Variants in ADAMTS12 observed in about 807,000 individuals in gnomAD.
The protein encoded by ADAMTS12 is A disintegrin and metalloproteinase with thrombospondin motifs 12.
A neutral mutation model predicts 167.8 loss-of-function variants in ADAMTS12; 118 were observed. That is an observed-to-expected ratio of 0.70 (90% confidence interval 0.61 to 0.82). The LOEUF is 0.82. Ranked by LOEUF, ADAMTS12 falls within the 40% of genes least tolerant of loss-of-function variation. ADAMTS12 has a pLI of 0.00. For missense variants in ADAMTS12, 1,916 were observed against 1,998.8 expected (o/e 0.96, Z 0.79); for synonymous variants, 704 against 716.9 (o/e 0.98, Z 0.29).
intron 14 of ADAMTS12, among the ~76,000 whole-genome samples, chr5:33,623,871 G>C (rs1050523585): frequency 6.6e-6 from 1 of 152,146 alleles, no homozygotes; most frequent in Non-Finnish European, 1.5e-5. Flanking sequence ...CTCTCCCCTA[G>C]TTCTTGGTCT....
At position 33,608,534 on chromosome 5, in the gene ADAMTS12, G is replaced by T. The variant is rs114977916; in HGVS notation, c.2527+5704C>A. ...ACAGATGGGATACAGTGAGTTTGTT[G>T]AGATGCAGTTCCTTTGACTCTCTGA... On this transcript the variant is annotated intron_variant, in intron 16 of 23. Coordinates refer to ENST00000504830, the MANE Select transcript of ADAMTS12 (RefSeq NM_030955.4). 9.1e-3 allele frequency among the ~76,000 whole-genome samples: 1,380 copies of T among 152,286 alleles called. 27 individuals carry two copies. The highest frequency in any genetic ancestry group is 0.032 in the African/African-American group (1,319 of 41,542).
chr5:33,709,659 A>G (rs1743324151), intron 3 of ADAMTS12, among the ~76,000 whole-genome samples: 1 of 151,980 alleles, frequency 6.6e-6, no homozygotes, highest in South Asian at 2.1e-4. Flanking sequence ...GAACACTTGG[A>G]ACACATGGAC....
At chr5:33,821,907 C>A (rs947056616) in intron 2 of ADAMTS12, among the ~76,000 whole-genome samples, 2 of 152,168 alleles carry the variant, frequency 1.3e-5, no homozygotes, top group Non-Finnish European at 2.9e-5. Context: ...TCATTTAGAA[C>A]TGATGAATTT....
chr5:33,743,957 TC>T (rs1298281480), intron 3 of ADAMTS12, among the ~76,000 whole-genome samples: 4 of 152,286 alleles, frequency 2.6e-5, no homozygotes, highest in African/African-American at 9.6e-5. Flanking sequence ...ACTGAATTTC[TC>T]CAGGAAAGGG....
At chr5:33,689,371 GC>G (rs1742466624) in intron 3 of ADAMTS12, among the ~76,000 whole-genome samples, 1 of 131,186 alleles carries the variant, frequency 7.6e-6, no homozygotes, top group Admixed American at 7.6e-5. Context: ...GGGATCATCT[GC>G]CTAATAAAAT....
At chr5:33,891,602 C>T in intron 1 of ADAMTS12, 128 bp downstream of exon 1, 1 of 1,435,198 alleles carries the variant, frequency 7.0e-7, no homozygotes, top group Non-Finnish European at 9.5e-7. Context: ...CCCAGATTTC[C>T]TTACAACGCA....
chr5:33,549,998 C>T (rs558016903), intron 20 of ADAMTS12, among the ~76,000 whole-genome samples: 2 of 152,230 alleles, frequency 1.3e-5, no homozygotes, highest in Non-Finnish European at 2.9e-5. Context: ...TTGCCTCCAC[C>T]GTCACCATTC....
intron 2 of ADAMTS12, among the ~76,000 whole-genome samples, chr5:33,875,000 A>G (rs571402293): frequency 2.0e-5 from 3 of 152,198 alleles, no homozygotes; most frequent in Admixed American, 6.5e-5. Flanking sequence ...CCAGGGAGTC[A>G]GAGGTTGCAG....
chr5:33,565,056 T>C (rs1430201265), intron 19 of ADAMTS12, among the ~76,000 whole-genome samples: 3 of 152,108 alleles, frequency 2.0e-5, no homozygotes, highest in African/African-American at 7.2e-5. Flanking sequence ...CCCAAATAAA[T>C]AGCTTCAGGA....
chr5:33,779,135 A>T (rs1746021279), intron 2 of ADAMTS12, among the ~76,000 whole-genome samples: 1 of 151,922 alleles, frequency 6.6e-6, no homozygotes, highest in South Asian at 2.1e-4. Context: ...GTACCATATG[A>T]TCCATCAATC....
At chr5:33,764,046 A>G (rs769558296) in intron 2 of ADAMTS12, among the ~76,000 whole-genome samples, 16 of 152,210 alleles carry the variant, frequency 1.1e-4, no homozygotes, top group Non-Finnish European at 2.4e-4. Context: ...ATTAAGAAAC[A>G]ATAGTGGCTT....
rs116447026 is a variant in ADAMTS12, at chr5:33,777,672, G to A, written c.490-26124C>T. 4.9e-3 allele frequency among the ~76,000 whole-genome samples: 740 copies of A among 152,170 alleles called. 4 individuals carry two copies. The highest frequency in any genetic ancestry group is 0.017 in the African/African-American group (702 of 41,534). Reference sequence around the variant, plus strand: ...ATTAAATATGGTGCTGGAAGTCATAGCCAGAGCAGTTAGGCAAGAAAAAGA... The same window carrying A: ...ATTAAATATGGTGCTGGAAGTCATAACCAGAGCAGTTAGGCAAGAAAAAGA... On this transcript the variant is annotated intron_variant, in intron 2 of 23. Coordinates refer to ENST00000504830, the MANE Select transcript of ADAMTS12 (RefSeq NM_030955.4).
intron 22 of ADAMTS12, among the ~76,000 whole-genome samples, chr5:33,539,441 C>T (rs1177278726): frequency 6.6e-6 from 1 of 152,210 alleles, no homozygotes; most frequent in African/African-American, 2.4e-5. Flanking sequence ...AGCTTTAGGA[C>T]AGATGCCAAC....
intron 13 of ADAMTS12, among the ~76,000 whole-genome samples, chr5:33,625,279 A>G (rs1291875270): frequency 2.6e-5 from 4 of 152,136 alleles, no homozygotes; most frequent in Non-Finnish European, 5.9e-5. Flanking sequence ...TAGTAGGGGG[A>G]AAAAAATTAA....
At chr5:33,737,835 T>A (rs1561244050) in intron 3 of ADAMTS12, among the ~76,000 whole-genome samples, 1 of 152,244 alleles carries the variant, frequency 6.6e-6, no homozygotes, top group Non-Finnish European at 1.5e-5. Context: ...GAATTTCGAA[T>A]TGCAGTTTTC....
intron 9 of ADAMTS12, among the ~76,000 whole-genome samples, chr5:33,646,666 G>A (rs1740678707): frequency 6.6e-6 from 1 of 152,068 alleles, no homozygotes; most frequent in African/African-American, 2.4e-5. Context: ...AGGAAAACCT[G>A]ACATAAAGTT....
chr5:33,767,444 G>T (rs960874997), intron 2 of ADAMTS12, among the ~76,000 whole-genome samples: 8 of 151,948 alleles, frequency 5.3e-5, no homozygotes, highest in African/African-American at 1.7e-4. Context: ...GTGCCTTTCT[G>T]TATTTATCCA....
At chr5:33,885,068 A>G (rs1483371586) in intron 1 of ADAMTS12, among the ~76,000 whole-genome samples, 1 of 152,238 alleles carries the variant, frequency 6.6e-6, no homozygotes, top group East Asian at 1.9e-4. Flanking sequence ...CTTAGAAAAC[A>G]ACTATAATAA....
intron 5 of ADAMTS12, among the ~76,000 whole-genome samples, chr5:33,678,569 G>A (rs1172825175): frequency 6.6e-6 from 1 of 152,200 alleles, no homozygotes; most frequent in Admixed American, 6.5e-5. Flanking sequence ...AGATTAGGCT[G>A]TTAACTAAGT....
Sources: allele counts gnomAD v4.1 joint callset (sites outside exome capture counted in the v4.1 genomes callset), GRCh38; gene constraint gnomAD v4.1.1; transcripts MANE v1.5; gene names NCBI Gene and HGNC (gene_info 2026-07-23, HGNC 2026-07-21).